The following ACSM2B variants were observed in gnomAD, a reference collection of about 807,000 sequenced individuals.
ACSM2B encodes the protein acyl-coenzyme A synthetase ACSM2B, mitochondrial.
Under a neutral mutation model 78.6 loss-of-function variants are expected in ACSM2B, and 58 were observed. The ratio of observed to expected loss-of-function variants is 0.74; its 90% CI spans 0.60 to 0.92. The LOEUF is 0.92. Ranked by LOEUF, ACSM2B falls within the 40% of genes least tolerant of loss-of-function variation. The pLI, the probability that ACSM2B is intolerant of heterozygous loss-of-function variation, is 0.00. For missense variants in ACSM2B, 688 were observed against 711.2 expected, an observed-to-expected ratio of 0.97 and a Z score of 0.37; for synonymous variants, 257 against 256.8, an observed-to-expected ratio of 1.00 and a Z score of -0.01.
chr16:20,557,411 C>T (rs1245328319), intron 3 of ACSM2B, among the ~76,000 whole-genome samples: 2 of 150,146 alleles, frequency 1.3e-5, no homozygotes, highest in Admixed American at 6.7e-5. Flanking sequence ...TAGTTCCCCC[C>T]CAATTGCCTG....
At chr16:20,547,381 C>G in intron 8 of ACSM2B, 1 of 985,154 alleles carries the variant, frequency 1.0e-6, no homozygotes, top group Non-Finnish European at 1.2e-6. Flanking sequence ...AAAAGTTCTA[C>G]CAAGGGTACT....
chr16:20,541,031 T>G, intron 12 of ACSM2B: 1 of 307,372 alleles, frequency 3.3e-6, no homozygotes, highest in Non-Finnish European at 6.0e-6. Flanking sequence ...CAGAGACAGA[T>G]GAGGAGAAAG....
At chr16:20,540,556 T>G in intron 13 of ACSM2B, 98 bp downstream of exon 13, 1 of 1,548,214 alleles carries the variant, frequency 6.5e-7, no homozygotes, top group African/African-American at 1.4e-5. Flanking sequence ...GAAGACTTTT[T>G]AAAATTAGAA....
intron 2 of ACSM2B, among the ~76,000 whole-genome samples, chr16:20,562,858 G>A (rs1466768347): frequency 6.6e-6 from 1 of 152,116 alleles, no homozygotes; most frequent in Non-Finnish European, 1.5e-5. Context: ...ATATTTTCCA[G>A]ACATTTGCAT....
intron 3 of ACSM2B, among the ~76,000 whole-genome samples, chr16:20,558,189 T>A (rs1197236594): frequency 6.6e-6 from 1 of 152,124 alleles, no homozygotes; most frequent in Non-Finnish European, 1.5e-5. Flanking sequence ...GACCTTGCAT[T>A]CTGATGGACC....
At chr16:20,552,015 C>G (rs2015325139) in intron 6 of ACSM2B, 129 bp downstream of exon 6, 1 of 1,459,334 alleles carries the variant, frequency 6.9e-7, no homozygotes, top group South Asian at 1.5e-5. Flanking sequence ...ATCTCGTTTA[C>G]TGAACACTGT....
chr16:20,559,614 G>A (rs1173220824), intron 2 of ACSM2B, among the ~76,000 whole-genome samples, 167 bp from the exon 3 acceptor site: 1 of 150,952 alleles, frequency 6.6e-6, no homozygotes, highest in Non-Finnish European at 1.5e-5. Context: ...TTATTTATAT[G>A]AGTTATATCT....
intron 13 of ACSM2B, 83 bp downstream of exon 13, chr16:20,540,571 G>A (rs1353872529): frequency 6.4e-7 from 1 of 1,574,116 alleles, no homozygotes; most frequent in Non-Finnish European, 8.6e-7. Context: ...TTAGAAGGCT[G>A]TCCTCCTCCT....
chr16:20,549,771 T>C (rs200445877), intron 6 of ACSM2B: 24 of 450,464 alleles, frequency 5.3e-5, no homozygotes, highest in African/African-American at 1.6e-4. Flanking sequence ...ATTTAAAAAA[T>C]ACATTGGTTT....
At chr16:20,560,674 T>C (rs2015626241) in intron 2 of ACSM2B, among the ~76,000 whole-genome samples, 1 of 152,028 alleles carries the variant, frequency 6.6e-6, no homozygotes, top group Non-Finnish European at 1.5e-5. Flanking sequence ...GGGATATTGC[T>C]ATAAAGATAC....
At chr16:20,551,091 G>C (rs1450159875) in intron 6 of ACSM2B, among the ~76,000 whole-genome samples, 1 of 152,120 alleles carries the variant, frequency 6.6e-6, no homozygotes, top group Non-Finnish European at 1.5e-5. Context: ...AAATGAAAAA[G>C]ATTATATATA....
At position 20,542,991 on chromosome 16, in the gene ACSM2B, C is replaced by T. The variant is rs779015163; in HGVS notation, c.1432G>A (p.Val478Ile). Residue 478 changes from valine (V) to isoleucine (I), a missense_variant, in exon 12 of 14, where the codon GTA becomes ATA. Physicochemically the swap from Val to Ile is conservative, Grantham distance 29 (BLOSUM62 3). Coordinates refer to ENST00000329697, the MANE Select transcript of ACSM2B (RefSeq NM_001105069.2). ...SSGYRIGPSE[V>I]ENALMKHPAV... is the part of the protein sequence containing the mutation. ...GGGTGCTTCATCAGTGCATTCTCTA[C>T]CTCCGAGGGTCCAATCCGGTACCTG... 10 of 1,613,642 alleles carry T rather than the reference C, an allele frequency of 6.2e-6. No individual in the cohort carries two copies. The South Asian group carries it at 1.1e-4, about 18-fold the overall frequency.
At chr16:20,572,842 T>C (rs1433396881) in intron 1 of ACSM2B, among the ~76,000 whole-genome samples, 2 of 152,012 alleles carry the variant, frequency 1.3e-5, no homozygotes, top group Non-Finnish European at 1.5e-5. Flanking sequence ...CTGAAGTTAT[T>C]TCTTCTGCTT....
chr16:20,559,907 G>T (rs754993640), intron 2 of ACSM2B, among the ~76,000 whole-genome samples: 1 of 150,884 alleles, frequency 6.6e-6, no homozygotes, highest in Non-Finnish European at 1.5e-5. Flanking sequence ...TCTGGAAAAT[G>T]CTATTGTATA....
At chr16:20,560,805 T>C (rs1361858204) in intron 2 of ACSM2B, among the ~76,000 whole-genome samples, 1 of 152,054 alleles carries the variant, frequency 6.6e-6, no homozygotes, top group Non-Finnish European at 1.5e-5. Context: ...GGTTAAATAG[T>C]TGTGAACAAA....
chr16:20,537,261 CT>C lies in ACSM2B; in HGVS notation c.1730del (p.Gln577ArgfsTer30). 3 of 1,614,030 alleles carry C rather than the reference CT, an allele frequency of 1.9e-6. 1 individual carries two copies. The highest frequency in any genetic ancestry group is 2.5e-6 in the Non-Finnish European group (3 of 1,179,884). On this transcript the variant is annotated frameshift_variant, in exon 14 of 14. Coordinates refer to ENST00000329697, the MANE Select transcript of ACSM2B (RefSeq NM_001105069.2). LOFTEE classifies it high-confidence loss of function. ...EWKMSGKARA[Q>X] is the part of the protein sequence containing the mutation. ...AAATGAATGTCTCCTAGACGCCTCA[CT>C]GCGCACGGGCTTTTCCGGACATCTT...
intron 13 of ACSM2B, among the ~76,000 whole-genome samples, chr16:20,538,342 T>G (rs1450039619): frequency 1.3e-5 from 2 of 152,190 alleles, no homozygotes; most frequent in Non-Finnish European, 2.9e-5. Flanking sequence ...TCAATAAAGT[T>G]TAATTGAAAC....
At position 20,555,312 on chromosome 16, in the gene ACSM2B, C is replaced by A; in HGVS notation, c.553G>T (p.Glu185Ter). The A allele has an allele frequency of 6.2e-7, 1 of 1,613,888 alleles. No homozygotes were observed. The highest frequency in any genetic ancestry group is 8.5e-7 in the Non-Finnish European group (1 of 1,179,854). Residue 185 changes from glutamate (E) to a stop codon, truncating the protein, a stop_gained, in exon 4 of 14, where the codon GAG becomes TAG. Transcript: ENST00000329697. LOFTEE classifies it high-confidence loss of function. ...PSLRIKLLVSEKSCDGWLNFK... is the reference protein window; with the variant it reads ...PSLRIKLLVS ...TTCAGCCACCCATCGCAGCTTTTCT[C>A]AGACACCAGTAGCTTAATTCTCAGA...
At position 20,555,569 on chromosome 16, in the gene ACSM2B, G is replaced by C. The variant is rs183855273; in HGVS notation, c.389-93C>G. On this transcript the variant is annotated intron_variant, in intron 3 of 13. Transcript: ENST00000329697. ...AAACATCAAGCAGGGAGCAAGTGGG[G>C]AAGGAGAGGATGGGGAAGTAATGAC... The C allele has an allele frequency of 2.5e-6, 4 of 1,571,704 alleles. No homozygotes were observed. The Admixed American group carries it at 5.5e-5, about 22-fold the overall frequency.
Sources: allele counts gnomAD v4.1 joint callset (sites outside exome capture counted in the v4.1 genomes callset), GRCh38; gene constraint gnomAD v4.1.1; transcripts MANE v1.5; gene names NCBI Gene and HGNC (gene_info 2026-07-23, HGNC 2026-07-21).